The following CADM2 variants were observed in gnomAD, a reference collection of about 807,000 sequenced individuals.
CADM2 encodes immunoglobulin superfamily member 4D.
A neutral mutation model predicts 49.8 loss-of-function variants in CADM2; 12 were observed. The ratio of observed to expected loss-of-function variants is 0.24; its 90% CI spans 0.15 to 0.39. The LOEUF is 0.39. Ranked by LOEUF, CADM2 falls within the 10% of genes least tolerant of loss-of-function variation. The pLI, the probability that CADM2 is intolerant of heterozygous loss-of-function variation, is 1.00. For synonymous variants in CADM2, 214 were observed against 175.4 expected (o/e 1.22, Z -1.74); for missense variants, 378 against 492.3 (o/e 0.77, Z 2.20).
In CADM2 at chr3:85,646,722, A is replaced by C. The variant is rs549369790; in HGVS notation, c.62-79800A>C. Among the ~76,000 whole-genome samples the C allele has an allele frequency of 1.5e-4, 23 of 152,046 alleles. No homozygotes were observed. In the South Asian group the frequency reaches 4.8e-3, roughly 31 times the overall value. On this transcript the variant is annotated intron_variant, in intron 1 of 9. Transcript: ENST00000383699. Reference sequence around the variant, plus strand: ...TCCTTCTGGTTACTTCTCAAATCGCAGCATAGAGGTGGTCTATTTTTGACT... The same window carrying C: ...TCCTTCTGGTTACTTCTCAAATCGCCGCATAGAGGTGGTCTATTTTTGACT...
intron 1 of CADM2, among the ~76,000 whole-genome samples, chr3:85,573,896 G>A (rs927117641): frequency 4.6e-5 from 7 of 151,742 alleles, no homozygotes; most frequent in Admixed American, 6.6e-5. Flanking sequence ...TCACCAATAC[G>A]GATTGAGAGT....
intron 1 of CADM2, among the ~76,000 whole-genome samples, chr3:85,229,093 G>T (rs2042225723): frequency 6.6e-6 from 1 of 152,200 alleles, no homozygotes; most frequent in African/African-American, 2.4e-5. Context: ...CTTCCTGGCA[G>T]CTTTATTTAC....
chr3:85,377,703 A>G (rs1488413935), intron 1 of CADM2, among the ~76,000 whole-genome samples: 2 of 152,054 alleles, frequency 1.3e-5, no homozygotes, highest in African/African-American at 2.4e-5. Flanking sequence ...CATAAGGCAC[A>G]TTTTTATAAT....
chr3:85,210,540 T>A (rs191118685), intron 1 of CADM2, among the ~76,000 whole-genome samples: 1 of 152,108 alleles, frequency 6.6e-6, no homozygotes, highest in East Asian at 1.9e-4. Flanking sequence ...TTTTGGGGAT[T>A]TTTTTCTTTT....
chr3:85,750,595 A>C (rs956923780), intron 2 of CADM2, among the ~76,000 whole-genome samples: 10 of 152,124 alleles, frequency 6.6e-5, no homozygotes, highest in Admixed American at 4.6e-4. Context: ...ACAACAAAGA[A>C]AATATTTTAT....
intron 1 of CADM2, among the ~76,000 whole-genome samples, chr3:85,481,697 C>T (rs1234684508): frequency 2.0e-5 from 3 of 151,582 alleles, no homozygotes; most frequent in Non-Finnish European, 4.4e-5. Context: ...TCCCCTAGCA[C>T]AATGTCAGAT....
intron 1 of CADM2, among the ~76,000 whole-genome samples, chr3:85,560,924 C>A (rs1160050482): frequency 6.6e-6 from 1 of 152,114 alleles, no homozygotes; most frequent in Non-Finnish European, 1.5e-5. Context: ...TTAGTGATAT[C>A]CCTGCCATAT....
intron 1 of CADM2, among the ~76,000 whole-genome samples, chr3:84,995,898 G>A (rs962897785): frequency 6.6e-6 from 1 of 152,098 alleles, no homozygotes; most frequent in Non-Finnish European, 1.5e-5. Context: ...TGATATTTTT[G>A]TATTTGTCCT....
At chr3:84,972,117 C>T (rs1360701576) in intron 1 of CADM2, among the ~76,000 whole-genome samples, 1 of 152,198 alleles carries the variant, frequency 6.6e-6, no homozygotes, top group East Asian at 1.9e-4. Flanking sequence ...CTCAGGCAAG[C>T]CGTGTCACGG....
intron 1 of CADM2, among the ~76,000 whole-genome samples, chr3:85,425,533 G>T (rs1176651387): frequency 6.6e-6 from 1 of 152,024 alleles, no homozygotes; most frequent in African/African-American, 2.4e-5. Context: ...TTATCTTTTT[G>T]AAAGTACACA....
chr3:85,089,074 A>C (rs1205835976), intron 1 of CADM2, among the ~76,000 whole-genome samples: 2 of 152,240 alleles, frequency 1.3e-5, no homozygotes, highest in Admixed American at 6.5e-5. Context: ...AAAGCTGAAT[A>C]ACTTTTCCTA....
intron 3 of CADM2, among the ~76,000 whole-genome samples, chr3:85,830,805 A>ATTTG: frequency 7.8e-6 from 1 of 127,660 alleles, no homozygotes; most frequent in Admixed American, 7.3e-5. Flanking sequence ...CATTTTATTT[A>ATTTG]TTTATTTATT....
intron 7 of CADM2, among the ~76,000 whole-genome samples, chr3:85,946,104 CA>C (rs1281500183): frequency 6.6e-6 from 1 of 151,994 alleles, no homozygotes; most frequent in African/African-American, 2.4e-5. Flanking sequence ...AATCAATGTA[CA>C]AAAATCACAA....
chr3:85,626,843 T>TA (rs1053861990), intron 1 of CADM2, among the ~76,000 whole-genome samples: 14 of 152,140 alleles, frequency 9.2e-5, no homozygotes, highest in African/African-American at 3.4e-4. Context: ...GCTGGCATAG[T>TA]AAATCAGTGC....
intron 8 of CADM2, among the ~76,000 whole-genome samples, chr3:86,030,489 A>C (rs933391403): frequency 6.6e-6 from 1 of 152,006 alleles, no homozygotes; most frequent in African/African-American, 2.4e-5. Flanking sequence ...TCTGCCAAAT[A>C]ATTTCATATT....
At chr3:85,767,358 G>T (rs543559260) in intron 2 of CADM2, among the ~76,000 whole-genome samples, 1 of 152,268 alleles carries the variant, frequency 6.6e-6, no homozygotes, top group African/African-American at 2.4e-5. Context: ...GTGTGCTTAA[G>T]CAGAAGAGAT....
At chr3:84,981,201 C>T (rs1231645614) in intron 1 of CADM2, among the ~76,000 whole-genome samples, 1 of 139,174 alleles carries the variant, frequency 7.2e-6, no homozygotes, top group Non-Finnish European at 1.5e-5. Context: ...TTGTTCAATT[C>T]GCACCTATGA....
chr3:85,364,168 T>C (rs1349333642), intron 1 of CADM2, among the ~76,000 whole-genome samples: 1 of 152,210 alleles, frequency 6.6e-6, no homozygotes, highest in African/African-American at 2.4e-5. Context: ...ATTAGAGTGA[T>C]ATTGCCGTTT....
At chr3:85,531,792 T>A (rs991088669) in intron 1 of CADM2, among the ~76,000 whole-genome samples, 1 of 152,196 alleles carries the variant, frequency 6.6e-6, no homozygotes, top group East Asian at 1.9e-4. Context: ...TCAAACAAAA[T>A]TGGCTTTCTT....
Sources: gnomAD v4.1 joint callset for allele counts (sites outside exome capture counted in the v4.1 genomes callset) on GRCh38, gnomAD v4.1.1 for gene constraint, MANE v1.5 for transcripts, NCBI Gene and HGNC (gene_info 2026-07-23, HGNC 2026-07-21) for gene names.